Variants in MYRIP observed in about 807,000 individuals in gnomAD.
The protein encoded by MYRIP is myosin VIIA and Rab interacting protein.
MYRIP carries 49 observed loss-of-function variants against 98.0 expected under a neutral mutation model. The ratio of observed to expected loss-of-function variants is 0.50; its 90% CI spans 0.40 to 0.63. MYRIP has a LOEUF of 0.63. Among genes scored for constraint, MYRIP ranks in the 30% least tolerant of loss-of-function variants. MYRIP has a pLI of 0.00. For synonymous variants in MYRIP, 404 were observed against 409.5 expected (o/e 0.99, Z 0.16); for missense variants, 1,004 against 1,058.2 (o/e 0.95, Z 0.71).
Position 39,905,269 on chromosome 3 carries a change from A to C in MYRIP, c.110+4343A>C, listed in dbSNP as rs189233261. On this transcript the variant is annotated intron_variant, in intron 2 of 16. Coordinates refer to ENST00000302541, the MANE Select transcript of MYRIP (RefSeq NM_015460.4). ...GAAAAGCCTAAGTCCTCTGCTCCATATTTAGTTCTTGGTCCTTTAGACCTC... is the reference window on the plus strand; with the variant it reads ...GAAAAGCCTAAGTCCTCTGCTCCATCTTTAGTTCTTGGTCCTTTAGACCTC... Among the ~76,000 whole-genome samples, 14 of 152,332 alleles carry C rather than the reference A, an allele frequency of 9.2e-5. 1 individual carries two copies.
intron 3 of MYRIP, among the ~76,000 whole-genome samples, chr3:40,148,509 T>C (rs915290427): frequency 5.9e-5 from 9 of 152,156 alleles, no homozygotes; most frequent in Non-Finnish European, 1.0e-4. Flanking sequence ...TTCCAGAAAA[T>C]GTATGTTGAT....
intron 2 of MYRIP, among the ~76,000 whole-genome samples, chr3:39,967,464 T>C (rs6599067): frequency 0.48 from 72,618 of 152,060 alleles, 18,215 homozygotes; most frequent in African/African-American, 0.66. Context: ...ATATGTACCA[T>C]ATTTTCTTTA....
At chr3:40,247,330 T>C (rs1055588828) in intron 13 of MYRIP, among the ~76,000 whole-genome samples, 2 of 152,376 alleles carry the variant, frequency 1.3e-5, no homozygotes, top group African/African-American at 4.8e-5. Context: ...CCCAATGTTC[T>C]GTGAGCGTTA....
chr3:39,894,291 C>A (rs1943553491), intron 1 of MYRIP, among the ~76,000 whole-genome samples: 1 of 152,148 alleles, frequency 6.6e-6, no homozygotes, highest in Non-Finnish European at 1.5e-5. Flanking sequence ...CAAGCCTGGC[C>A]CCATCTAGCC....
intron 7 of MYRIP, among the ~76,000 whole-genome samples, chr3:40,168,941 C>T (rs999359163): frequency 6.6e-6 from 1 of 152,214 alleles, no homozygotes; most frequent in Non-Finnish European, 1.5e-5. Flanking sequence ...TAATTCACAT[C>T]CCTTCCGTAT....
chr3:39,925,384 G>C (rs1034914454), intron 2 of MYRIP, among the ~76,000 whole-genome samples: 63 of 151,738 alleles, frequency 4.2e-4, no homozygotes, highest in African/African-American at 1.5e-3. Flanking sequence ...ATTTGTTATG[G>C]GGGTATATTG....
At chr3:40,144,590 G>C (rs2125565581) in intron 3 of MYRIP, among the ~76,000 whole-genome samples, 1 of 152,350 alleles carries the variant, frequency 6.6e-6, no homozygotes, top group South Asian at 2.1e-4. Flanking sequence ...TGTGTGGAAG[G>C]AGGAGCCTGG....
intron 3 of MYRIP, among the ~76,000 whole-genome samples, chr3:40,089,864 T>G (rs1193766031): frequency 2.0e-5 from 3 of 152,110 alleles, no homozygotes; most frequent in African/African-American, 7.2e-5. Context: ...TAGAGGGTCT[T>G]TAGGCCAAGG....
chr3:39,927,406 T>G (rs976801229), intron 2 of MYRIP, among the ~76,000 whole-genome samples: 12 of 152,006 alleles, frequency 7.9e-5, no homozygotes, highest in Middle Eastern at 3.2e-3. Flanking sequence ...CTTGTTCCTA[T>G]TTTTAAGGGG....
intron 1 of MYRIP, among the ~76,000 whole-genome samples, chr3:39,861,213 C>A (rs898626129): frequency 6.6e-6 from 1 of 152,218 alleles, no homozygotes; most frequent in Non-Finnish European, 1.5e-5. Context: ...GAGCATGCAG[C>A]TCACGAGTCC....
chr3:40,060,127 AC>A (rs969963235), intron 3 of MYRIP, among the ~76,000 whole-genome samples: 7 of 152,162 alleles, frequency 4.6e-5, no homozygotes, highest in African/African-American at 1.7e-4. Flanking sequence ...CAACTGCCAA[AC>A]ATCAAAAATT....
At chr3:40,080,483 A>T (rs1471189125) in intron 3 of MYRIP, among the ~76,000 whole-genome samples, 1 of 152,044 alleles carries the variant, frequency 6.6e-6, no homozygotes, top group Non-Finnish European at 1.5e-5. Context: ...AAAAGAAAAA[A>T]AGTGTATATA....
intron 1 of MYRIP, among the ~76,000 whole-genome samples, chr3:39,854,829 G>T (rs960816303): frequency 6.6e-6 from 1 of 152,174 alleles, no homozygotes; most frequent in Non-Finnish European, 1.5e-5. Context: ...GTTCCATAGG[G>T]TGATCTCTTG....
At chr3:40,139,389 G>A (rs1949848070) in intron 3 of MYRIP, among the ~76,000 whole-genome samples, 1 of 152,168 alleles carries the variant, frequency 6.6e-6, no homozygotes. Context: ...GAGAAGTTAT[G>A]TTGTGCCCCT....
chr3:40,050,254 G>A (rs185852012), intron 3 of MYRIP, among the ~76,000 whole-genome samples: 3 of 152,148 alleles, frequency 2.0e-5, no homozygotes, highest in Non-Finnish European at 2.9e-5. Context: ...AGAACAGGCT[G>A]TCTTGTTAGG....
intron 2 of MYRIP, among the ~76,000 whole-genome samples, chr3:39,913,871 G>C (rs1575373876): frequency 6.6e-6 from 1 of 152,210 alleles, no homozygotes; most frequent in East Asian, 1.9e-4. Context: ...CACTGTTTTT[G>C]TTCCACATTC....
intron 2 of MYRIP, among the ~76,000 whole-genome samples, chr3:40,024,570 GT>G (rs1215319587): frequency 0.012 from 1,791 of 145,752 alleles, 30 homozygotes; most frequent in African/African-American, 0.037. Flanking sequence ...CTTTTTGTGG[GT>G]TTTTTTTTTT....
At chr3:40,108,341 A>G (rs542007388) in intron 3 of MYRIP, among the ~76,000 whole-genome samples, 1 of 152,190 alleles carries the variant, frequency 6.6e-6, no homozygotes, top group African/African-American at 2.4e-5. Flanking sequence ...GGAAATATCC[A>G]ATGAGCAGAG....
At chr3:40,104,269 C>G (rs1372388399) in intron 3 of MYRIP, among the ~76,000 whole-genome samples, 3 of 152,062 alleles carry the variant, frequency 2.0e-5, no homozygotes, top group Non-Finnish European at 4.4e-5. Context: ...ATGGTTCCTA[C>G]CTTTAGTGTC....
Sources: gnomAD v4.1 joint callset for allele counts (sites outside exome capture counted in the v4.1 genomes callset) on GRCh38, gnomAD v4.1.1 for gene constraint, MANE v1.5 for transcripts, NCBI Gene and HGNC (gene_info 2026-07-23, HGNC 2026-07-21) for gene names.